The following DOK6 variants were observed in gnomAD, a reference collection of about 807,000 sequenced individuals.
DOK6 encodes the protein downstream of tyrosine kinase 6.
DOK6 carries 22 observed loss-of-function variants against 44.0 expected under a neutral mutation model. The ratio of observed to expected loss-of-function variants is 0.50; its 90% confidence interval spans 0.36 to 0.71. DOK6 has a LOEUF of 0.71. DOK6 is among the 30% of genes least tolerant of loss of function. The probability of loss-of-function intolerance (pLI) is 0.00; values close to 1 mark genes in which losing one functional copy is unlikely to be tolerated. For missense variants in DOK6, 340 were observed against 416.4 expected, an observed-to-expected ratio of 0.82 and a Z score of 1.60; for synonymous variants, 166 against 145.5, an observed-to-expected ratio of 1.14 and a Z score of -1.01.
At chr18:69,542,766 C>G (rs1030656056) in intron 1 of DOK6, among the ~76,000 whole-genome samples, 4 of 151,396 alleles carry the variant, frequency 2.6e-5, no homozygotes, top group African/African-American at 9.7e-5. Flanking sequence ...GTTATTTCTT[C>G]CATGGGCTTT....
At chr18:69,778,150 C>T (rs1224385058) in intron 7 of DOK6, among the ~76,000 whole-genome samples, 2 of 151,966 alleles carry the variant, frequency 1.3e-5, no homozygotes, top group African/African-American at 4.8e-5. Context: ...GTCAGAGAGA[C>T]GGAAAATACA....
intron 7 of DOK6, among the ~76,000 whole-genome samples, chr18:69,771,040 T>C (rs1479757931): frequency 6.6e-6 from 1 of 152,068 alleles, no homozygotes; most frequent in East Asian, 1.9e-4. Context: ...GTGAAGGCAG[T>C]ATGATATCTG....
intron 1 of DOK6, among the ~76,000 whole-genome samples, chr18:69,513,364 G>A (rs770202694): frequency 3.9e-5 from 6 of 152,082 alleles, no homozygotes; most frequent in African/African-American, 7.2e-5. Flanking sequence ...GCGTGGGTGC[G>A]CACACACATA....
At chr18:69,479,531 G>C (rs1287974028) in intron 1 of DOK6, among the ~76,000 whole-genome samples, 1 of 152,094 alleles carries the variant, frequency 6.6e-6, no homozygotes, top group East Asian at 1.9e-4. Context: ...CTGCAGATGT[G>C]CTTTCGGTAA....
chr18:69,411,443 T>A (rs1324313098), intron 1 of DOK6, among the ~76,000 whole-genome samples: 2 of 152,166 alleles, frequency 1.3e-5, no homozygotes, highest in Non-Finnish European at 2.9e-5. Context: ...AGGTACTGTA[T>A]GCTTCCACAG....
intron 5 of DOK6, among the ~76,000 whole-genome samples, chr18:69,700,323 TC>T (rs1285763457): frequency 1.3e-5 from 2 of 151,408 alleles, no homozygotes; most frequent in East Asian, 3.9e-4. Context: ...CAGGATCCCT[TC>T]CCTTGGATCC....
At chr18:69,718,471 G>A (rs1221239448) in intron 5 of DOK6, among the ~76,000 whole-genome samples, 2 of 152,130 alleles carry the variant, frequency 1.3e-5, no homozygotes, top group Non-Finnish European at 2.9e-5. Context: ...TCTTATGTGA[G>A]TTGAAAATAA....
At chr18:69,630,961 T>C (rs992221443) in intron 3 of DOK6, among the ~76,000 whole-genome samples, 2 of 152,180 alleles carry the variant, frequency 1.3e-5, no homozygotes, top group Admixed American at 1.3e-4. Flanking sequence ...AACTGAAAAG[T>C]AGCTTGGCAA....
intron 1 of DOK6, among the ~76,000 whole-genome samples, chr18:69,437,356 G>A (rs557976399): frequency 3.2e-4 from 48 of 152,286 alleles, no homozygotes; most frequent in African/African-American, 1.0e-3. Flanking sequence ...AAGGGGTCCA[G>A]TTTCAGTCTT....
chr18:69,512,508 T>G (rs2144557562), intron 1 of DOK6, among the ~76,000 whole-genome samples: 1 of 152,138 alleles, frequency 6.6e-6, no homozygotes, highest in African/African-American at 2.4e-5. Flanking sequence ...CATGCCAAGC[T>G]AATTTTTGTG....
chr18:69,620,652 G>A (rs1457134695), intron 3 of DOK6, among the ~76,000 whole-genome samples: 2 of 152,034 alleles, frequency 1.3e-5, no homozygotes, highest in African/African-American at 4.8e-5. Flanking sequence ...AATATCAAAA[G>A]TACAATGTCT....
At chr18:69,575,369 A>G (rs1983214630) in intron 2 of DOK6, among the ~76,000 whole-genome samples, 1 of 152,140 alleles carries the variant, frequency 6.6e-6, no homozygotes, top group Non-Finnish European at 1.5e-5. Flanking sequence ...GAAATTGCCC[A>G]GGAAGCCTAC....
At chr18:69,788,155 T>C (rs923882841) in intron 7 of DOK6, among the ~76,000 whole-genome samples, 5 of 152,170 alleles carry the variant, frequency 3.3e-5, no homozygotes, top group African/African-American at 1.2e-4. Flanking sequence ...AACTCCCAAG[T>C]GCCTAAAGGA....
In DOK6 at chr18:69,530,298, A is replaced by T. The variant is rs140071436; in HGVS notation, c.67-34189A>T. Among the ~76,000 whole-genome samples the T allele has an allele frequency of 4.1e-3, 627 of 152,234 alleles. 3 individuals are homozygous for T. The highest frequency in any genetic ancestry group is 6.0e-3 in the Non-Finnish European group (409 of 68,012). On this transcript the variant is annotated intron_variant, in intron 1 of 7. Coordinates refer to ENST00000382713, the MANE Select transcript of DOK6 (RefSeq NM_152721.6). ...GGTGGTAGAACTTTATATTGCAGGC[A>T]CTGGGCAGACATTAGCTGCATCTTA...
At chr18:69,572,042 A>T (rs1406113554) in intron 2 of DOK6, among the ~76,000 whole-genome samples, 1 of 152,174 alleles carries the variant, frequency 6.6e-6, no homozygotes. Context: ...GATGTTTTAA[A>T]TGTGAAATCA....
At position 69,630,601 on chromosome 18, in the gene DOK6, G is replaced by A. The variant is rs555621348; in HGVS notation, c.289+31103G>A. Among the ~76,000 whole-genome samples the A allele has an allele frequency of 7.2e-5, 11 of 152,228 alleles. No individual in the cohort carries two copies. The East Asian group carries it at 7.7e-4, about 11-fold the overall frequency. ...ACCATATAAAGTGCTATAAAAAGTC[G>A]AAACAATAATGGCGGATAGATATAT... is the stretch of plus-strand genomic sequence containing the variant. On this transcript the variant is annotated intron_variant, in intron 3 of 7. Transcript: ENST00000382713.
intron 1 of DOK6, among the ~76,000 whole-genome samples, chr18:69,508,281 C>T (rs762678882): frequency 1.3e-5 from 2 of 152,010 alleles, no homozygotes; most frequent in Non-Finnish European, 2.9e-5. Context: ...GAGTTTTTTG[C>T]ATCTATATTA....
chr18:69,586,925 A>G (rs555158236), intron 2 of DOK6, among the ~76,000 whole-genome samples: 27 of 152,290 alleles, frequency 1.8e-4, no homozygotes, highest in Middle Eastern at 6.8e-3. Flanking sequence ...TAAATAATAA[A>G]TAAAGAATAA....
chr18:69,640,490 A>G (rs1016858761), intron 3 of DOK6, among the ~76,000 whole-genome samples: 1 of 146,334 alleles, frequency 6.8e-6, no homozygotes, highest in African/African-American at 2.5e-5. Context: ...TCTTCAGAAA[A>G]GTGTCTTAGT....
Sources: allele counts gnomAD v4.1 joint callset (sites outside exome capture counted in the v4.1 genomes callset), GRCh38; gene constraint gnomAD v4.1.1; transcripts MANE v1.5; gene names NCBI Gene and HGNC (gene_info 2026-07-23, HGNC 2026-07-21).